The following DCC variants were observed in gnomAD, a reference collection of about 807,000 sequenced individuals.
DCC encodes DCC netrin 1 receptor.
Under a neutral mutation model 172.5 loss-of-function variants are expected in DCC, and 58 were observed. The observed-to-expected ratio is 0.34, with a 90% CI of 0.27 to 0.42. The LOEUF is 0.42. DCC is among the 10% of genes least tolerant of loss of function. The pLI is 1.00. For missense variants in DCC, 1,740 were observed against 1,791.0 expected (o/e 0.97, Z 0.51); for synonymous variants, 709 against 644.5 (o/e 1.10, Z -1.52).
chr18:53,338,089 A>T (rs1415026649), intron 14 of DCC, among the ~76,000 whole-genome samples: 3 of 152,234 alleles, frequency 2.0e-5, no homozygotes, highest in African/African-American at 7.2e-5. Context: ...ATCTTTGCAT[A>T]ATACTTCCCT....
intron 1 of DCC, among the ~76,000 whole-genome samples, chr18:52,636,592 C>A (rs1458074141): frequency 2.0e-5 from 3 of 152,074 alleles, no homozygotes; most frequent in Non-Finnish European, 2.9e-5. Flanking sequence ...ACCTGCATGA[C>A]TCAGCAAAAG....
At chr18:52,462,547 T>A (rs1436833471) in intron 1 of DCC, among the ~76,000 whole-genome samples, 2 of 152,068 alleles carry the variant, frequency 1.3e-5, no homozygotes, top group Non-Finnish European at 2.9e-5. Context: ...CTCTTTTAGG[T>A]CTTTGCTCAA....
chr18:52,715,709 C>T (rs2036369464), intron 1 of DCC, among the ~76,000 whole-genome samples: 1 of 152,044 alleles, frequency 6.6e-6, no homozygotes, highest in African/African-American at 2.4e-5. Flanking sequence ...TGGGTTAGGC[C>T]AGTATGTTGG....
chr18:53,524,683 C>A (rs2046435532), intron 27 of DCC, among the ~76,000 whole-genome samples: 1 of 151,642 alleles, frequency 6.6e-6, no homozygotes, highest in African/African-American at 2.4e-5. Flanking sequence ...AGCTTTTATC[C>A]CCAGATTTAT....
intron 7 of DCC, among the ~76,000 whole-genome samples, chr18:53,127,717 T>G (rs2043586196): frequency 6.6e-6 from 1 of 152,146 alleles, no homozygotes; most frequent in African/African-American, 2.4e-5. Context: ...GAAAATGACT[T>G]TTAATGTTTC....
At chr18:53,253,178 A>C (rs1477389571) in intron 12 of DCC, among the ~76,000 whole-genome samples, 1 of 152,020 alleles carries the variant, frequency 6.6e-6, no homozygotes, top group African/African-American at 2.4e-5. Flanking sequence ...GAATATTTTG[A>C]AAATCTAACA....
chr18:52,593,770 G>A lies in DCC; in HGVS notation c.92-158284G>A, dbSNP rs554415236. Among the ~76,000 whole-genome samples, 22 of 152,266 alleles carry A rather than the reference G, an allele frequency of 1.4e-4. No individual in the cohort carries two copies. The East Asian group carries it at 4.1e-3, about 28-fold the overall frequency. ...CTATCTGCTAGATAAGAGCAACAGC[G>A]CTCCTTTCCCATTTTGACAGCTGAA... On this transcript the variant is annotated intron_variant, in intron 1 of 28. Transcript: ENST00000442544.
chr18:52,852,727 G>C (rs1016699252), intron 2 of DCC, among the ~76,000 whole-genome samples: 2 of 151,798 alleles, frequency 1.3e-5, no homozygotes, highest in African/African-American at 4.9e-5. Flanking sequence ...GGCATTTGTT[G>C]AACACTGGAA....
At position 53,385,573 on chromosome 18, in the gene DCC, C is replaced by A. The variant is rs1441542199; in HGVS notation, c.2360-470C>A. On this transcript the variant is annotated intron_variant, in intron 15 of 28. Coordinates refer to ENST00000442544, the MANE Select transcript of DCC (RefSeq NM_005215.4). ...GTGCTAGAGAGGAGACTTTGCAGGTCAGTTTTGAGTGTTTAAATTTGTTGT... is the reference window on the plus strand; with the variant it reads ...GTGCTAGAGAGGAGACTTTGCAGGTAAGTTTTGAGTGTTTAAATTTGTTGT... 5.7e-4 allele frequency among the ~76,000 whole-genome samples: 87 copies of A among 152,122 alleles called. 1 individual carries two copies. Among genetic ancestry groups the A allele is most frequent in the Non-Finnish European group, 8.8e-5 (6 of 68,018 alleles).
intron 15 of DCC, among the ~76,000 whole-genome samples, chr18:53,368,055 A>G (rs2058024528): frequency 6.6e-6 from 1 of 152,102 alleles, no homozygotes; most frequent in African/African-American, 2.4e-5. Context: ...GCAGTGCACA[A>G]GGGTTCCTAT....
intron 1 of DCC, among the ~76,000 whole-genome samples, chr18:52,567,364 T>C (rs906939556): frequency 1.3e-5 from 2 of 152,068 alleles, no homozygotes; most frequent in African/African-American, 4.8e-5. Flanking sequence ...CTGCCTTGTG[T>C]GAAATTGATC....
chr18:52,721,801 GA>G (rs1303480411), intron 1 of DCC, among the ~76,000 whole-genome samples: 32 of 152,272 alleles, frequency 2.1e-4, no homozygotes, highest in African/African-American at 7.5e-4. Flanking sequence ...GAGGCAGGTG[GA>G]TCACCAGAGG....
At position 53,306,376 on chromosome 18, in the gene DCC, A is replaced by C. The variant is rs553393428; in HGVS notation, c.2053+657A>C. On this transcript the variant is annotated intron_variant, in intron 13 of 28. Coordinates refer to ENST00000442544, the MANE Select transcript of DCC (RefSeq NM_005215.4). ...AATGAGGCGAGGCTTTCAACGTAAT[A>C]CCTTTAAAGTTATAAGTTCAGGAAA... 4.6e-5 allele frequency among the ~76,000 whole-genome samples: 7 copies of C among 152,352 alleles called. No homozygotes were observed. In the South Asian group the frequency reaches 1.4e-3, roughly 32 times the overall value.
chr18:52,492,334 C>T (rs748812355), intron 1 of DCC, among the ~76,000 whole-genome samples: 4 of 151,666 alleles, frequency 2.6e-5, no homozygotes, highest in Non-Finnish European at 5.9e-5. Context: ...TTTAAGAAAA[C>T]CAGGGTACTC....
intron 1 of DCC, among the ~76,000 whole-genome samples, chr18:52,645,657 C>T (rs2035004411): frequency 6.6e-6 from 1 of 152,002 alleles, no homozygotes. Context: ...AACAAAAGCT[C>T]GTTGGTGTGA....
intron 1 of DCC, among the ~76,000 whole-genome samples, chr18:52,425,025 A>T (rs73459055): frequency 0.081 from 12,325 of 152,090 alleles, 724 homozygotes; most frequent in African/African-American, 0.17. Flanking sequence ...TAGGGTATAC[A>T]TTGCCTGAAT....
intron 21 of DCC, among the ~76,000 whole-genome samples, chr18:53,424,724 C>T (rs570896566): frequency 1.3e-5 from 2 of 152,246 alleles, no homozygotes; most frequent in African/African-American, 4.8e-5. Context: ...ATAGTGAGGA[C>T]TACAGGATGG....
At chr18:53,177,424 A>G (rs1400973047) in intron 8 of DCC, among the ~76,000 whole-genome samples, 1 of 152,230 alleles carries the variant, frequency 6.6e-6, no homozygotes, top group African/African-American at 2.4e-5. Context: ...GCATATTTTA[A>G]ATACTAGCAG....
chr18:52,761,837 A>G (rs931353923), intron 2 of DCC, among the ~76,000 whole-genome samples: 7 of 144,900 alleles, frequency 4.8e-5, no homozygotes, highest in African/African-American at 1.8e-4. Context: ...TGCACCCAGG[A>G]GGCAGAGCTT....
Sources: allele counts gnomAD v4.1 joint callset (sites outside exome capture counted in the v4.1 genomes callset), GRCh38; gene constraint gnomAD v4.1.1; transcripts MANE v1.5; gene names NCBI Gene and HGNC (gene_info 2026-07-23, HGNC 2026-07-21).